ZNF236: variants seen among roughly 807,000 people sequenced by gnomAD.
ZNF236 encodes regulated by glucose.
A neutral mutation model predicts 191.2 loss-of-function variants in ZNF236; 50 were observed. That is an observed-to-expected ratio of 0.26 (90% confidence interval 0.21 to 0.33). ZNF236 has a LOEUF of 0.33. Among genes scored for constraint, ZNF236 ranks in the 10% least tolerant of loss-of-function variants. The pLI, the probability that ZNF236 is intolerant of heterozygous loss-of-function variation, is 1.00. For missense variants in ZNF236, 1,754 were observed against 2,374.5 expected (o/e 0.74, Z 5.43); for synonymous variants, 907 against 928.8 (o/e 0.98, Z 0.43).
chr18:76,904,971 A>G (rs2122741913), intron 12 of ZNF236, among the ~76,000 whole-genome samples, 184 bp from the exon 13 acceptor site: 1 of 152,356 alleles, frequency 6.6e-6, no homozygotes, highest in Admixed American at 6.5e-5. Flanking sequence ...GACTTGAGGC[A>G]GGTCGCTTAA....
intron 3 of ZNF236, among the ~76,000 whole-genome samples, chr18:76,862,144 T>C (rs975891065): frequency 2.0e-5 from 3 of 152,148 alleles, no homozygotes; most frequent in African/African-American, 7.2e-5. Flanking sequence ...ATTACAGGCG[T>C]GAGCCACCCT....
chr18:76,951,327 G>A lies in ZNF236; in HGVS notation c.4914+3675G>A, dbSNP rs1486970048. On this transcript the variant is annotated intron_variant, in intron 27 of 30. Coordinates refer to ENST00000320610, the MANE Select transcript of ZNF236 (RefSeq NM_001306089.2). ...GTTCTGTTTACACTGAAAATCTGTT[G>A]TTTAATGGAGTGACCTTCATCGATG... 2.6e-5 allele frequency among the ~76,000 whole-genome samples: 4 copies of A among 152,216 alleles called. No homozygotes were observed. The East Asian group carries it at 5.8e-4, about 22-fold the overall frequency.
At chr18:76,824,864 G>A (rs977812164) in intron 1 of ZNF236, among the ~76,000 whole-genome samples, 1 of 152,166 alleles carries the variant, frequency 6.6e-6, no homozygotes, top group Admixed American at 6.5e-5. Flanking sequence ...CCCTCTCCGG[G>A]CTGGAGAGCT....
chr18:76,855,882 A>AC (rs1370967334), intron 3 of ZNF236, among the ~76,000 whole-genome samples: 1 of 152,072 alleles, frequency 6.6e-6, no homozygotes, highest in Non-Finnish European at 1.5e-5. Flanking sequence ...GGTTGAGGAA[A>AC]CCCTGGGTTA....
At chr18:76,916,737 G>A (rs1967375824) in intron 19 of ZNF236, among the ~76,000 whole-genome samples, 1 of 152,200 alleles carries the variant, frequency 6.6e-6, no homozygotes, top group African/African-American at 2.4e-5. Context: ...TGGTCTGAGT[G>A]TATGTGTTGG....
chr18:76,865,032 T>C (rs1222095448), intron 3 of ZNF236, among the ~76,000 whole-genome samples: 1 of 152,090 alleles, frequency 6.6e-6, no homozygotes, highest in Non-Finnish European at 1.5e-5. Context: ...TAAATGTAAG[T>C]ACGTGAATTA....
intron 26 of ZNF236, among the ~76,000 whole-genome samples, chr18:76,940,091 C>T (rs1213102348): frequency 7.1e-6 from 1 of 139,892 alleles, no homozygotes; most frequent in African/African-American, 2.7e-5. Context: ...ACACGGTGGG[C>T]GACCCTAGCA....
At chr18:76,899,289 G>A in intron 11 of ZNF236, 67 bp downstream of exon 11, 3 of 1,358,948 alleles carry the variant, frequency 2.2e-6, no homozygotes, top group Non-Finnish European at 3.1e-6. Flanking sequence ...TTTGTGAATT[G>A]TGTACACACA....
chr18:76,939,244 A>T (rs1219988438), intron 26 of ZNF236, among the ~76,000 whole-genome samples: 1 of 152,124 alleles, frequency 6.6e-6, no homozygotes, highest in African/African-American at 2.4e-5. Context: ...GAGGCAAGAG[A>T]ATCACTTGAA....
At chr18:76,850,895 C>T (rs1392199876) in intron 2 of ZNF236, among the ~76,000 whole-genome samples, 4 of 151,356 alleles carry the variant, frequency 2.6e-5, no homozygotes, top group Non-Finnish European at 4.4e-5. Flanking sequence ...TGAGCCACCA[C>T]CCCCGGCCTG....
At chr18:76,881,739 C>T (rs986974968) in intron 9 of ZNF236, among the ~76,000 whole-genome samples, 2 of 152,210 alleles carry the variant, frequency 1.3e-5, no homozygotes, top group Non-Finnish European at 2.9e-5. Flanking sequence ...TCAGTTTCTC[C>T]TGACTCCTCG....
intron 30 of ZNF236, among the ~76,000 whole-genome samples, chr18:76,961,647 C>T (rs1968670766): frequency 6.6e-6 from 1 of 152,130 alleles, no homozygotes; most frequent in African/African-American, 2.4e-5. Context: ...ACACTGTTTT[C>T]CATAGTGGCT....
chr18:76,865,901 T>C (rs1262369672), intron 3 of ZNF236, among the ~76,000 whole-genome samples: 1 of 152,214 alleles, frequency 6.6e-6, no homozygotes, highest in Non-Finnish European at 1.5e-5. Flanking sequence ...GTTTAAGGTG[T>C]TCCGTTTTTA....
At chr18:76,964,556 A>G (rs1466608653) in intron 30 of ZNF236, among the ~76,000 whole-genome samples, 2 of 152,194 alleles carry the variant, frequency 1.3e-5, no homozygotes, top group Non-Finnish European at 2.9e-5. Flanking sequence ...ATGGAATGTT[A>G]GGTATATATC....
chr18:76,844,239 CAAA>C (rs35737023), intron 1 of ZNF236, among the ~76,000 whole-genome samples: 8 of 86,468 alleles, frequency 9.3e-5, no homozygotes, highest in Admixed American at 1.3e-4. Flanking sequence ...GACTCCATCT[CAAA>C]AAAAAAAAAA....
At chr18:76,850,625 A>G (rs1975830132) in intron 2 of ZNF236, among the ~76,000 whole-genome samples, 2 of 150,412 alleles carry the variant, frequency 1.3e-5, no homozygotes, top group Non-Finnish European at 3.0e-5. Context: ...TTTTTTTTTG[A>G]GATGGAGTTT....
At chr18:76,942,927 T>G in intron 26 of ZNF236, among the ~76,000 whole-genome samples, 1 of 146,978 alleles carries the variant, frequency 6.8e-6, no homozygotes, top group African/African-American at 2.5e-5. Flanking sequence ...ATCCAGACCA[T>G]CCTGGCTGAC....
Position 76,925,628 on chromosome 18 carries a change from G to C in ZNF236, c.4027+74G>C, listed in dbSNP as rs1414535714. On this transcript the variant is annotated intron_variant, in intron 22 of 30. Coordinates refer to ENST00000320610, the MANE Select transcript of ZNF236 (RefSeq NM_001306089.2). The surrounding 1 kb of genome is among the most constrained non-coding windows in gnomAD (Gnocchi z 5.7). Reference sequence around the variant, plus strand: ...CTGTGCTGCTTCTGTCTGTTCCCACGACAGAAGAGATGTTGTTTACCGTAG... The same window carrying C: ...CTGTGCTGCTTCTGTCTGTTCCCACCACAGAAGAGATGTTGTTTACCGTAG... 4 of 1,529,880 alleles carry C rather than the reference G, an allele frequency of 2.6e-6. No individual in the cohort carries two copies. Among genetic ancestry groups the C allele is most frequent in the Non-Finnish European group, 3.5e-6 (4 of 1,140,860 alleles). The allele number at this position is 1,529,880 out of a possible 1,614,324, so 94.8% of individuals were successfully genotyped here.
At chr18:76,868,154 G>A (rs1976467554) in intron 3 of ZNF236, among the ~76,000 whole-genome samples, 1 of 152,038 alleles carries the variant, frequency 6.6e-6, no homozygotes, top group Non-Finnish European at 1.5e-5. Flanking sequence ...TGCTTCAGAG[G>A]GTCCCTGGTT....
Sources: gnomAD v4.1 joint callset for allele counts (sites outside exome capture counted in the v4.1 genomes callset) on GRCh38, gnomAD v4.1.1 for gene constraint, Gnocchi (gnomAD v3.1) non-coding constraint, MANE v1.5 for transcripts, NCBI Gene and HGNC (gene_info 2026-07-23, HGNC 2026-07-21) for gene names.